Variants in RABGAP1L observed in about 807,000 individuals in gnomAD.
RABGAP1L encodes RAB GTPase activating protein 1 like.
Under a neutral mutation model 137.7 loss-of-function variants are expected in RABGAP1L, and 63 were observed. The observed-to-expected ratio is 0.46, with a 90% CI of 0.37 to 0.56. The LOEUF (loss-of-function observed/expected upper bound fraction) is 0.56. RABGAP1L is among the 20% of genes least tolerant of loss of function. The probability of loss-of-function intolerance (pLI) is 0.00; values close to 1 mark genes in which losing one functional copy is unlikely to be tolerated. For missense variants in RABGAP1L, 1,095 were observed against 1,244.0 expected (o/e 0.88, Z 1.80); for synonymous variants, 431 against 433.7 (o/e 0.99, Z 0.08).
At chr1:174,459,211 G>T (rs576147111) in intron 13 of RABGAP1L, among the ~76,000 whole-genome samples, 2 of 152,198 alleles carry the variant, frequency 1.3e-5, no homozygotes, top group South Asian at 4.1e-4. Flanking sequence ...TGATGATTCA[G>T]TTAATCAGAG....
rs1237539685 is a variant in RABGAP1L, at chr1:174,577,321, T to TTA, written c.1711-60041_1711-60040dup. 1.6e-3 allele frequency among the ~76,000 whole-genome samples: 232 copies of TTA among 143,958 alleles called. 1 individual carries two copies. The highest frequency in any genetic ancestry group is 4.5e-3 in the African/African-American group (177 of 39,058). The allele number at this position is 143,958 out of a possible 152,430, so 94.4% of individuals were successfully genotyped here. A position where few individuals can be genotyped will look rare whatever the true frequency, so the allele number is the denominator to read the frequency against. The stretch of plus-strand genomic sequence containing the variant: ...AAGAATTTAGTCAATATAAATATAT[T>TTA]TATATATATATATAGTCAATATAAA... On this transcript the variant is annotated intron_variant, in intron 13 of 25. Coordinates refer to ENST00000681986, the MANE Select transcript of RABGAP1L (RefSeq NM_001366446.1).
intron 18 of RABGAP1L, among the ~76,000 whole-genome samples, chr1:174,773,387 A>T (rs758065334): frequency 1.2e-4 from 18 of 152,166 alleles, no homozygotes; most frequent in Non-Finnish European, 2.1e-4. Context: ...ATAAATAAAT[A>T]AAAGCCAGGT....
chr1:174,590,353 T>G (rs540591559), intron 13 of RABGAP1L, among the ~76,000 whole-genome samples: 1 of 84,350 alleles, frequency 1.2e-5, no homozygotes, highest in South Asian at 3.7e-4. Context: ...TTTTTATTTA[T>G]TTTTTTTTTA....
At chr1:174,715,049 C>T (rs1483687022) in intron 17 of RABGAP1L, among the ~76,000 whole-genome samples, 1 of 152,024 alleles carries the variant, frequency 6.6e-6, no homozygotes, top group Non-Finnish European at 1.5e-5. Flanking sequence ...ATAATTTGGT[C>T]CTCAGGGTTG....
intron 18 of RABGAP1L, among the ~76,000 whole-genome samples, chr1:174,753,728 CTT>C (rs779678966): frequency 5.1e-4 from 78 of 152,154 alleles, no homozygotes; most frequent in Admixed American, 1.4e-3. Flanking sequence ...TGGAATAAGA[CTT>C]TTAGAATGCC....
At chr1:174,663,295 A>AT (rs1676527892) in intron 14 of RABGAP1L, among the ~76,000 whole-genome samples, 1 of 152,204 alleles carries the variant, frequency 6.6e-6, no homozygotes, top group South Asian at 2.1e-4. Context: ...CACTCAAATA[A>AT]TTATCATACT....
intron 13 of RABGAP1L, among the ~76,000 whole-genome samples, chr1:174,502,576 G>GTATATATATATATATA (rs60045454): frequency 0.012 from 1,511 of 128,898 alleles, 25 homozygotes; most frequent in African/African-American, 0.019. Flanking sequence ...AAAGTACACG[G>GTATATATATATATATA]TATATATATA....
chr1:174,656,563 C>T (rs411665), intron 14 of RABGAP1L, among the ~76,000 whole-genome samples: 56,130 of 152,026 alleles, frequency 0.37, 13,620 homozygotes, highest in African/African-American at 0.69. Context: ...TCCATCAGTC[C>T]AAAAAGAAAC....
intron 13 of RABGAP1L, among the ~76,000 whole-genome samples, chr1:174,543,219 G>A (rs1193942594): frequency 6.6e-6 from 1 of 152,130 alleles, no homozygotes; most frequent in African/African-American, 2.4e-5. Flanking sequence ...TTATTATTGT[G>A]TGGGAGTCTA....
intron 10 of RABGAP1L, among the ~76,000 whole-genome samples, chr1:174,299,836 C>A (rs1677491522): frequency 6.6e-6 from 1 of 152,142 alleles, no homozygotes; most frequent in Non-Finnish European, 1.5e-5. Flanking sequence ...ATGTTACAGT[C>A]TCCAAAGTTA....
intron 13 of RABGAP1L, among the ~76,000 whole-genome samples, chr1:174,618,776 C>G (rs1420858188): frequency 6.6e-6 from 1 of 152,210 alleles, no homozygotes; most frequent in African/African-American, 2.4e-5. Context: ...AGCAATGGAA[C>G]TAAGCTGGAT....
At chr1:174,723,599 A>G (rs1467078024) in intron 17 of RABGAP1L, among the ~76,000 whole-genome samples, 2 of 152,148 alleles carry the variant, frequency 1.3e-5, no homozygotes, top group Non-Finnish European at 2.9e-5. Flanking sequence ...CGACACATGT[A>G]TTCAGTGTGT....
intron 19 of RABGAP1L, among the ~76,000 whole-genome samples, chr1:174,878,925 GTTTTTTTTTTTT>G (rs869251284): frequency 4.7e-5 from 4 of 85,148 alleles, no homozygotes; most frequent in East Asian, 3.1e-4. Context: ...TTTGTGCATT[GTTTTTTTTTTTT>G]TTTTTTTTTT....
chr1:174,716,677 G>A (rs1241218785), intron 17 of RABGAP1L, among the ~76,000 whole-genome samples: 1 of 152,058 alleles, frequency 6.6e-6, no homozygotes, highest in Non-Finnish European at 1.5e-5. Flanking sequence ...TGGTATGAAA[G>A]CTGTTATTTT....
At chr1:174,425,855 A>G (rs1651886863) in intron 13 of RABGAP1L, among the ~76,000 whole-genome samples, 1 of 152,068 alleles carries the variant, frequency 6.6e-6, no homozygotes, top group African/African-American at 2.4e-5. Context: ...GAAAATTTCC[A>G]AAACTTTTTA....
chr1:174,712,570 C>T (rs896038303), intron 17 of RABGAP1L, among the ~76,000 whole-genome samples: 4 of 152,194 alleles, frequency 2.6e-5, no homozygotes, highest in Non-Finnish European at 4.4e-5. Flanking sequence ...AGAACTGTAA[C>T]ACTCACTGTG....
chr1:174,687,419 A>G (rs1678558964), intron 15 of RABGAP1L, among the ~76,000 whole-genome samples: 1 of 152,154 alleles, frequency 6.6e-6, no homozygotes, highest in Non-Finnish European at 1.5e-5. Flanking sequence ...GGAACAATGA[A>G]CTGATATTCA....
At chr1:174,390,154 A>T (rs1192021121) in intron 12 of RABGAP1L, among the ~76,000 whole-genome samples, 2 of 152,184 alleles carry the variant, frequency 1.3e-5, no homozygotes, top group Non-Finnish European at 2.9e-5. Flanking sequence ...TATGCAGTAT[A>T]ATTGCTGTAC....
At chr1:174,322,689 C>T (rs929098425) in intron 11 of RABGAP1L, among the ~76,000 whole-genome samples, 1 of 152,128 alleles carries the variant, frequency 6.6e-6, no homozygotes, top group Non-Finnish European at 1.5e-5. Flanking sequence ...CCCTTATTTA[C>T]ATTGTGTGAT....
Sources: allele counts gnomAD v4.1 joint callset (sites outside exome capture counted in the v4.1 genomes callset), GRCh38; gene constraint gnomAD v4.1.1; transcripts MANE v1.5; gene names NCBI Gene and HGNC (gene_info 2026-07-23, HGNC 2026-07-21).